The following TMEFF2 variants were observed in gnomAD, a reference collection of about 807,000 sequenced individuals.
The protein encoded by TMEFF2 is tomoregulin-2.
In TMEFF2, 28 loss-of-function variants were observed where a neutral mutation model predicts 53.8. That is an observed-to-expected ratio of 0.52 (90% CI 0.39 to 0.71). The LOEUF is 0.71. Among genes scored for constraint, TMEFF2 ranks in the 30% least tolerant of loss-of-function variants. TMEFF2 has a pLI of 0.00. For missense variants in TMEFF2, 353 were observed against 455.2 expected (o/e 0.78, Z 2.04); for synonymous variants, 162 against 166.3 (o/e 0.97, Z 0.20).
At chr2:191,999,744 A>G (rs2105836723) in intron 5 of TMEFF2, among the ~76,000 whole-genome samples, 1 of 152,128 alleles carries the variant, frequency 6.6e-6, no homozygotes, top group African/African-American at 2.4e-5. Flanking sequence ...CCAATCTTCA[A>G]TGGTCCTTAA....
intron 7 of TMEFF2, among the ~76,000 whole-genome samples, chr2:191,985,478 G>C (rs1685954323): frequency 7.0e-6 from 1 of 143,236 alleles, no homozygotes; most frequent in Non-Finnish European, 1.5e-5. Flanking sequence ...AACTAGTGAA[G>C]ATAAAAAACA....
chr2:192,165,197 T>C (rs568693480), intron 4 of TMEFF2, among the ~76,000 whole-genome samples: 4 of 152,260 alleles, frequency 2.6e-5, no homozygotes, highest in African/African-American at 9.6e-5. Context: ...TTATAAATCC[T>C]TGACTTTAAA....
chr2:192,171,580 T>C (rs1194725340), intron 4 of TMEFF2, among the ~76,000 whole-genome samples: 1 of 151,994 alleles, frequency 6.6e-6, no homozygotes, highest in African/African-American at 2.4e-5. Context: ...CAACCAAGCA[T>C]CTTCTCACTC....
intron 4 of TMEFF2, among the ~76,000 whole-genome samples, chr2:192,154,090 T>C (rs1038960649): frequency 2.0e-5 from 3 of 151,930 alleles, no homozygotes; most frequent in African/African-American, 7.2e-5. Flanking sequence ...GGAAGGATTA[T>C]CTTTGTGCTT....
At chr2:192,024,907 A>G (rs1318582217) in intron 5 of TMEFF2, among the ~76,000 whole-genome samples, 1 of 152,198 alleles carries the variant, frequency 6.6e-6, no homozygotes, top group African/African-American at 2.4e-5. Context: ...CATTGCATGG[A>G]TAATTTCCTA....
intron 5 of TMEFF2, among the ~76,000 whole-genome samples, chr2:192,017,253 T>G (rs1050664037): frequency 6.6e-6 from 1 of 152,180 alleles, no homozygotes; most frequent in Admixed American, 6.5e-5. Context: ...GTATATGACC[T>G]GCTAAGGACT....
chr2:192,161,766 T>G (rs879317192), intron 4 of TMEFF2, among the ~76,000 whole-genome samples: 2 of 152,200 alleles, frequency 1.3e-5, no homozygotes, highest in Non-Finnish European at 2.9e-5. Flanking sequence ...CCTGTTCATC[T>G]TTTATTTTTT....
chr2:192,003,270 C>A (rs558690683), intron 5 of TMEFF2, among the ~76,000 whole-genome samples: 20 of 152,272 alleles, frequency 1.3e-4, no homozygotes, highest in African/African-American at 4.3e-4. Flanking sequence ...AGAAGTCTCA[C>A]AGCTTGAAAA....
In TMEFF2 at chr2:191,964,398, CTCTTTCTT is replaced by C. The variant is rs58502767; in HGVS notation, c.746-8028_746-8021del. Among the ~76,000 whole-genome samples the C allele has an allele frequency of 2.1e-3, 108 of 51,772 alleles. 1 individual carries two copies. Among genetic ancestry groups the C allele is most frequent in the Middle Eastern group, 9.6e-3 (1 of 104 alleles). 34.0% of individuals were successfully genotyped at this position (51,772 alleles called of 152,430 possible). ...TCTTTCTTTCTTTCTTTCTTTCTTT[CTCTTTCTT>C]TCTTTCTTTCTTTCTTTCTTTCTTT... is the stretch of plus-strand genomic sequence containing the variant. On this transcript the variant is annotated intron_variant, in intron 7 of 9. Transcript: ENST00000272771.
intron 7 of TMEFF2, among the ~76,000 whole-genome samples, chr2:191,956,851 G>A (rs1278748549): frequency 1.3e-5 from 2 of 152,108 alleles, no homozygotes; most frequent in African/African-American, 4.8e-5. Flanking sequence ...TTTCCAAACC[G>A]AATGCAAATT....
intron 4 of TMEFF2, among the ~76,000 whole-genome samples, chr2:192,156,434 G>C (rs1690508108): frequency 6.6e-6 from 1 of 151,874 alleles, no homozygotes. Context: ...GGAAGAAGTG[G>C]CATTTCCAGT....
Position 191,999,041 on chromosome 2 carries a change from A to G in TMEFF2, c.685+19T>C. 6.3e-7 allele frequency: 1 copy of G among 1,575,304 alleles called. No individual in the cohort carries two copies. Among genetic ancestry groups the G allele is most frequent in the Non-Finnish European group, 8.6e-7 (1 of 1,157,042 alleles). On this transcript the variant is annotated intron_variant, in intron 6 of 9. Transcript: ENST00000272771. Reference sequence around the variant, plus strand: ...AGACTAAAATCATTCTTTGAAATGAATTTTGGTATGAACATTACCTTGACA... The same window carrying G: ...AGACTAAAATCATTCTTTGAAATGAGTTTTGGTATGAACATTACCTTGACA...
chr2:192,081,559 G>A lies in TMEFF2; in HGVS notation c.440-23784C>T, dbSNP rs545946136. ...TTTCCATAGAATCAGGGAATCATAA[G>A]TATTATTTTTTAAAATGCCAGAGGG... On this transcript the variant is annotated intron_variant, in intron 4 of 9. Coordinates refer to ENST00000272771, the MANE Select transcript of TMEFF2 (RefSeq NM_016192.4). Among the ~76,000 whole-genome samples the A allele has an allele frequency of 1.2e-4, 18 of 152,186 alleles. No homozygotes were observed. In the South Asian group the frequency reaches 3.3e-3, roughly 28 times the overall value.
chr2:192,180,224 C>T (rs1172240332), intron 3 of TMEFF2, among the ~76,000 whole-genome samples: 1 of 151,460 alleles, frequency 6.6e-6, no homozygotes, highest in Non-Finnish European at 1.5e-5. Flanking sequence ...TCAAATCATC[C>T]TTTGTTTTTG....
intron 4 of TMEFF2, among the ~76,000 whole-genome samples, chr2:192,161,119 C>T (rs549163337): frequency 2.0e-4 from 30 of 152,108 alleles, no homozygotes; most frequent in African/African-American, 4.8e-4. Flanking sequence ...TGCCCCCTCC[C>T]GTTTGCATAC....
At chr2:192,145,102 T>C (rs535952280) in intron 4 of TMEFF2, among the ~76,000 whole-genome samples, 107 of 152,096 alleles carry the variant, frequency 7.0e-4, no homozygotes, top group African/African-American at 2.5e-3. Context: ...GCATATTATA[T>C]AGTGCTAGTC....
intron 4 of TMEFF2, among the ~76,000 whole-genome samples, chr2:192,121,183 C>T (rs1037363164): frequency 2.0e-5 from 3 of 152,048 alleles, no homozygotes; most frequent in African/African-American, 2.4e-5. Context: ...ATTCTAACAA[C>T]ACAATCAGCG....
Position 192,161,845 on chromosome 2 carries a change from G to C in TMEFF2, c.439+17823C>G, listed in dbSNP as rs1186794942. On this transcript the variant is annotated intron_variant, in intron 4 of 9. Transcript: ENST00000272771. ...CGATAAAGCATAAGGAACAAGCAAA[G>C]AGAGGAAGTGTGATTCTTTTTTCAT... Among the ~76,000 whole-genome samples, 3 of 152,182 alleles carry C rather than the reference G, an allele frequency of 2.0e-5. No individual in the cohort carries two copies. In the East Asian group the frequency reaches 5.8e-4, roughly 29 times the overall value.
chr2:191,961,616 GACAGAAATAAATTATAAAT>G (rs1692276577), intron 7 of TMEFF2, among the ~76,000 whole-genome samples: 2 of 152,102 alleles, frequency 1.3e-5, no homozygotes, highest in South Asian at 4.1e-4. Flanking sequence ...TTGTGCCTGG[GACAGAAATAAATTATAAAT>G]ACAGAAATAA....
Sources: allele counts gnomAD v4.1 joint callset (sites outside exome capture counted in the v4.1 genomes callset), GRCh38; gene constraint gnomAD v4.1.1; transcripts MANE v1.5; gene names NCBI Gene and HGNC (gene_info 2026-07-23, HGNC 2026-07-21).